PTN: variants seen among roughly 807,000 people sequenced by gnomAD.
The protein encoded by PTN is heparin affin regulatory protein.
In PTN, 18 loss-of-function variants were observed where a neutral mutation model predicts 24.1. That is an observed-to-expected ratio of 0.75 (90% CI 0.52 to 1.11). The LOEUF is 1.11. Ranked by LOEUF, PTN falls within the 50% of genes least tolerant of loss-of-function variation. The pLI, the probability that PTN is intolerant of heterozygous loss-of-function variation, is 0.00. For missense variants in PTN, 163 were observed against 198.8 expected (o/e 0.82, Z 1.08); for synonymous variants, 78 against 68.6 (o/e 1.14, Z -0.67).
chr7:137,325,004 G>A (rs1405062711), intron 1 of PTN, among the ~76,000 whole-genome samples: 1 of 152,164 alleles, frequency 6.6e-6, no homozygotes, highest in Non-Finnish European at 1.5e-5. Context: ...TAATTGTACT[G>A]TAATAGGCTC....
At chr7:137,293,895 C>T (rs1168777428) in intron 1 of PTN, among the ~76,000 whole-genome samples, 1 of 152,000 alleles carries the variant, frequency 6.6e-6, no homozygotes, top group African/African-American at 2.4e-5. Context: ...CAGAGATGTT[C>T]CACTGCCCTA....
chr7:137,316,207 T>A (rs1810069535), intron 1 of PTN, among the ~76,000 whole-genome samples: 1 of 152,164 alleles, frequency 6.6e-6, no homozygotes, highest in Non-Finnish European at 1.5e-5. Context: ...CTGAAATACT[T>A]TTCCCAGACG....
intron 2 of PTN, among the ~76,000 whole-genome samples, chr7:137,254,639 A>T (rs564903318): frequency 6.6e-6 from 1 of 152,128 alleles, no homozygotes; most frequent in African/African-American, 2.4e-5. Flanking sequence ...TATATTAATG[A>T]TCATCATCGT....
intron 4 of PTN, among the ~76,000 whole-genome samples, chr7:137,234,463 A>G (rs968133770): frequency 2.6e-5 from 4 of 152,114 alleles, no homozygotes; most frequent in Non-Finnish European, 5.9e-5. Flanking sequence ...ATATGAGTCT[A>G]TCACAGCAAA....
intron 1 of PTN, among the ~76,000 whole-genome samples, chr7:137,276,484 AG>A (rs1165919973): frequency 6.6e-6 from 1 of 152,184 alleles, no homozygotes; most frequent in African/African-American, 2.4e-5. Context: ...ATATAAAACC[AG>A]GGTGAAATGG....
chr7:137,320,188 A>G (rs1454277260), intron 1 of PTN, among the ~76,000 whole-genome samples: 1 of 152,216 alleles, frequency 6.6e-6, no homozygotes, highest in Non-Finnish European at 1.5e-5. Flanking sequence ...ACAGTCTTCT[A>G]CTTTTGTCTG....
intron 1 of PTN, among the ~76,000 whole-genome samples, chr7:137,337,891 G>A (rs1810475049): frequency 6.6e-6 from 1 of 152,166 alleles, no homozygotes; most frequent in Admixed American, 6.6e-5. Context: ...AGAATGAATG[G>A]CATTTAGAGC....
In PTN at chr7:137,242,781, A is replaced by T. The variant is rs571979219; in HGVS notation, c.451+8449T>A. On this transcript the variant is annotated intron_variant, in intron 4 of 4. Transcript: ENST00000348225. ...GTGACAAATACCAGAAGCCTGCTCC[A>T]TGGGCTGCACCGTCCCCTGACCCAC... 9.8e-5 allele frequency among the ~76,000 whole-genome samples: 15 copies of T among 152,292 alleles called. No homozygotes were observed. The South Asian group carries it at 1.4e-3, about 15-fold the overall frequency.
At chr7:137,333,058 T>C (rs115236272) in intron 1 of PTN, among the ~76,000 whole-genome samples, 218 of 152,296 alleles carry the variant, frequency 1.4e-3, no homozygotes, top group African/African-American at 5.1e-3. Flanking sequence ...TGGGAGTAGA[T>C]TCCCTCATGA....
intron 4 of PTN, among the ~76,000 whole-genome samples, chr7:137,232,335 G>C (rs143594035): frequency 2.6e-5 from 4 of 152,010 alleles, no homozygotes; most frequent in Non-Finnish European, 4.4e-5. Flanking sequence ...TTAACTTCCT[G>C]GGTTTTCAAA....
chr7:137,314,300 C>T (rs1243014400), intron 1 of PTN, among the ~76,000 whole-genome samples: 3 of 152,122 alleles, frequency 2.0e-5, no homozygotes, highest in Non-Finnish European at 4.4e-5. Context: ...TGGATCATTG[C>T]TCTTTTCTGC....
intron 2 of PTN, 136 bp from the exon 3 acceptor site, chr7:137,253,773 A>G: frequency 4.1e-6 from 3 of 735,796 alleles, no homozygotes; most frequent in South Asian, 3.7e-5. Context: ...AATGAATAGT[A>G]GAAACATGAT....
intron 1 of PTN, among the ~76,000 whole-genome samples, chr7:137,285,548 C>T (rs1274818484): frequency 6.6e-6 from 1 of 152,016 alleles, no homozygotes. Context: ...TGCCTGTAGT[C>T]AGTCCCAGCT....
At chr7:137,281,443 C>G (rs1005530347) in intron 1 of PTN, among the ~76,000 whole-genome samples, 20 of 152,318 alleles carry the variant, frequency 1.3e-4, no homozygotes, top group Admixed American at 9.2e-4. Flanking sequence ...GATACCTACA[C>G]CTCTCCTCAG....
At chr7:137,235,326 A>G (rs925266639) in intron 4 of PTN, among the ~76,000 whole-genome samples, 1 of 152,142 alleles carries the variant, frequency 6.6e-6, no homozygotes, top group African/African-American at 2.4e-5. Context: ...CTCAGAACTG[A>G]TAACAAGGCT....
At chr7:137,246,378 G>A (rs933986542) in intron 4 of PTN, among the ~76,000 whole-genome samples, 2 of 152,122 alleles carry the variant, frequency 1.3e-5, no homozygotes, top group Admixed American at 1.3e-4. Context: ...ACTTGTATAA[G>A]TGCACCCTAT....
intron 1 of PTN, among the ~76,000 whole-genome samples, chr7:137,278,168 G>A (rs1398883046): frequency 1.3e-5 from 2 of 150,438 alleles, no homozygotes; most frequent in Non-Finnish European, 3.0e-5. Context: ...TTAGCCGGGC[G>A]TGGTAGCGGG....
Position 137,253,691 on chromosome 7 carries a change from G to A in PTN, c.116-54C>T, listed in dbSNP as rs1038811233. 34 of 1,379,432 alleles carry A rather than the reference G, an allele frequency of 2.5e-5. No homozygotes were observed. In the Admixed American group the frequency reaches 9.5e-4, roughly 38 times the overall value. The allele number at this position is 1,379,432 out of a possible 1,614,324, so 85.4% of individuals were successfully genotyped here. A position where few individuals can be genotyped will look rare whatever the true frequency, so the allele number is the denominator to read the frequency against. On this transcript the variant is annotated intron_variant, in intron 2 of 4. Coordinates refer to ENST00000348225, the MANE Select transcript of PTN (RefSeq NM_002825.7). Reference sequence around the variant, plus strand: ...CATACAGAAAACTCCTTAACTTCCAGATATAACCAAGTTCATTCCTGAGCA... The same window carrying A: ...CATACAGAAAACTCCTTAACTTCCAAATATAACCAAGTTCATTCCTGAGCA...
intron 1 of PTN, among the ~76,000 whole-genome samples, chr7:137,277,980 A>T (rs1004047889): frequency 4.6e-5 from 7 of 152,174 alleles, no homozygotes; most frequent in Admixed American, 3.9e-4. Flanking sequence ...GCATGATCTA[A>T]ACTAAAATGT....
Sources: allele counts gnomAD v4.1 joint callset (sites outside exome capture counted in the v4.1 genomes callset), GRCh38; gene constraint gnomAD v4.1.1; transcripts MANE v1.5; gene names NCBI Gene and HGNC (gene_info 2026-07-23, HGNC 2026-07-21).